EML5: variants seen among roughly 807,000 people sequenced by gnomAD.
The protein encoded by EML5 is echinoderm microtubule-associated protein-like 5.
EML5 carries 120 observed loss-of-function variants against 250.0 expected under a neutral mutation model. That is an observed-to-expected ratio of 0.48 (90% CI 0.41 to 0.56). The LOEUF (loss-of-function observed/expected upper bound fraction) is 0.56. Among genes scored for constraint, EML5 ranks in the 20% least tolerant of loss-of-function variants. The pLI is 0.00. For missense variants in EML5, 2,006 were observed against 2,437.6 expected (o/e 0.82, Z 3.73); for synonymous variants, 771 against 806.5 (o/e 0.96, Z 0.75).
chr14:88,737,344 G>A (rs955612700), intron 6 of EML5, among the ~76,000 whole-genome samples: 3 of 152,164 alleles, frequency 2.0e-5, no homozygotes, highest in South Asian at 2.1e-4. Flanking sequence ...TCAACCAGAC[G>A]CCAACGCCCA....
intron 14 of EML5, among the ~76,000 whole-genome samples, chr14:88,698,317 G>A (rs1023993842): frequency 7.2e-6 from 1 of 138,778 alleles, no homozygotes; most frequent in Admixed American, 7.7e-5. Flanking sequence ...CCCTGCTGAA[G>A]TGAAATGGCA....
chr14:88,697,644 C>G (rs2093109798), intron 14 of EML5, among the ~76,000 whole-genome samples: 1 of 152,136 alleles, frequency 6.6e-6, no homozygotes, highest in African/African-American at 2.4e-5. Flanking sequence ...TAACCATAAG[C>G]ATAAAGAGAT....
At position 88,688,445 on chromosome 14, in the gene EML5, G is replaced by A; in HGVS notation, c.2568C>T (p.Tyr856=). The A allele has an allele frequency of 6.2e-7, 1 of 1,613,904 alleles. No homozygotes were observed. Among genetic ancestry groups the A allele is most frequent in the Admixed American group, 1.7e-5 (1 of 60,014 alleles). ...TGTCATTTTTCCCCAGTGTGCCTAT[G>A]TAGCCTTTTCTTCCAATCAATCCTC... is the stretch of plus-strand genomic sequence containing the variant. ...AGGGLIGRKG[Y]IGTLGKNDTM... The change falls in exon 18 of 44, where the codon TAC becomes TAT. Residue 856 remains tyrosine, a synonymous_variant. Coordinates refer to ENST00000554922, the MANE Select transcript of EML5 (RefSeq NM_183387.3).
chr14:88,658,442 A>G (rs2091950757), intron 25 of EML5, 54 bp from the exon 26 acceptor site: 2 of 1,363,368 alleles, frequency 1.5e-6, no homozygotes. Context: ...TTATTTAAAT[A>G]TTTCCATTAT....
chr14:88,724,954 C>G (rs923714289), intron 8 of EML5, among the ~76,000 whole-genome samples: 1 of 152,152 alleles, frequency 6.6e-6, no homozygotes, highest in African/African-American at 2.4e-5. Flanking sequence ...GTTTCGTAGT[C>G]TTTCATCTCT....
At chr14:88,672,850 T>C (rs951858904) in intron 21 of EML5, among the ~76,000 whole-genome samples, 7 of 152,112 alleles carry the variant, frequency 4.6e-5, no homozygotes, top group African/African-American at 1.7e-4. Flanking sequence ...AGAAGTTGAA[T>C]CCCTGAATAG....
Position 88,719,041 on chromosome 14 carries a change from G to T in EML5, c.1188-3846C>A, listed in dbSNP as rs573469078. On this transcript the variant is annotated intron_variant, in intron 8 of 43. Coordinates refer to ENST00000554922, the MANE Select transcript of EML5 (RefSeq NM_183387.3). ...ATCCCTTTTAAAGTTGATAAAATGT[G>T]GTAGTAACACTGTCAGAGAGAGACA... Among the ~76,000 whole-genome samples the T allele has an allele frequency of 7.2e-5, 11 of 152,274 alleles. No individual in the cohort carries two copies. The South Asian group carries it at 2.3e-3, about 32-fold the overall frequency.
chr14:88,652,860 TA>T (rs2091694179), intron 27 of EML5, among the ~76,000 whole-genome samples: 2 of 152,318 alleles, frequency 1.3e-5, no homozygotes, highest in African/African-American at 4.8e-5. Context: ...GAGACTTTAT[TA>T]AAAAGTGATC....
At chr14:88,690,777 A>G (rs149692787) in intron 17 of EML5, among the ~76,000 whole-genome samples, 1 of 152,350 alleles carries the variant, frequency 6.6e-6, no homozygotes, top group East Asian at 1.9e-4. Flanking sequence ...GAGAAAGGGT[A>G]GAAGAGTTAG....
chr14:88,661,551 T>C (rs2092102011), intron 25 of EML5, 103 bp downstream of exon 25: 1 of 1,016,644 alleles, frequency 9.8e-7, no homozygotes, highest in African/African-American at 1.6e-5. Flanking sequence ...CAACATTACA[T>C]ATTACATATG....
chr14:88,613,743 T>TA lies in EML5; in HGVS notation c.*2074dup, dbSNP rs1341758925. The TA allele has an allele frequency of 1.3e-5, 2 of 152,212 alleles. No homozygotes were observed. The highest frequency in any genetic ancestry group is 3.9e-4 in the East Asian group (2 of 5,162). The allele number at this position is 152,212 out of a possible 1,614,324, so 9.4% of individuals were successfully genotyped here. ...TGTGCTTTGGCATGCATTTTATACATAAAATGAATGGAACAAAAGGTGCCA... is the reference window on the plus strand; with the variant it reads ...TGTGCTTTGGCATGCATTTTATACATAAAAATGAATGGAACAAAAGGTGCCA... On this transcript the variant is annotated 3_prime_UTR_variant, in exon 44 of 44. Coordinates refer to ENST00000554922, the MANE Select transcript of EML5 (RefSeq NM_183387.3).
chr14:88,715,189 CAT>C lies in EML5; in HGVS notation c.1192_1193del (p.Met398AspfsTer7). On this transcript the variant is annotated frameshift_variant, in exon 9 of 44. Transcript: ENST00000554922. LOFTEE classifies it high-confidence loss of function. ...GSFTVLRVRD[M>X]TEVVHIKDRK... is the part of the protein sequence containing the mutation. ...TATCTTTAATATGTACAACTTCCGT[CAT>C]ATCTCTGTTAAAAAGAAAAAAATGA... 1 of 1,586,544 alleles carries C rather than the reference CAT, an allele frequency of 6.3e-7. No individual in the cohort carries two copies. The highest frequency in any genetic ancestry group is 1.1e-5 in the South Asian group (1 of 87,538).
At chr14:88,634,681 TCTTC>T (rs1272974615) in intron 32 of EML5, among the ~76,000 whole-genome samples, 192 bp from the exon 33 acceptor site, 5 of 152,154 alleles carry the variant, frequency 3.3e-5, no homozygotes, top group African/African-American at 1.2e-4. Flanking sequence ...GATCTTTCAA[TCTTC>T]CTTTGGATAA....
intron 8 of EML5, among the ~76,000 whole-genome samples, chr14:88,724,403 T>C (rs369324194): frequency 6.7e-6 from 1 of 149,760 alleles, no homozygotes. Context: ...TTTTGTGAGT[T>C]AGAATTTTGT....
chr14:88,775,321 C>T (rs1222283333), intron 1 of EML5, among the ~76,000 whole-genome samples: 3 of 152,136 alleles, frequency 2.0e-5, no homozygotes, highest in South Asian at 2.1e-4. Flanking sequence ...TTTGGGTCCC[C>T]AATTCCAGAA....
intron 1 of EML5, among the ~76,000 whole-genome samples, chr14:88,777,093 T>C (rs1338430526): frequency 7.2e-5 from 11 of 151,962 alleles, no homozygotes; most frequent in African/African-American, 2.4e-4. Context: ...AAGAAGGATA[T>C]AGAACACCAA....
chr14:88,677,797 T>C (rs757633146), intron 21 of EML5, among the ~76,000 whole-genome samples: 3 of 152,042 alleles, frequency 2.0e-5, no homozygotes, highest in African/African-American at 7.2e-5. Flanking sequence ...CAAGAAACAA[T>C]AGATGGTGCT....
intron 20 of EML5, among the ~76,000 whole-genome samples, chr14:88,683,695 A>G (rs970466527): frequency 3.9e-5 from 6 of 152,188 alleles, no homozygotes; most frequent in Admixed American, 6.5e-5. Flanking sequence ...CTAATACACT[A>G]TATCAACAGA....
intron 35 of EML5, 137 bp downstream of exon 35, chr14:88,626,701 G>T: frequency 2.4e-6 from 2 of 843,514 alleles, no homozygotes; most frequent in South Asian, 1.9e-5. Context: ...TTTGAAAGAT[G>T]AAATATATGC....
Sources: gnomAD v4.1 joint callset for allele counts (sites outside exome capture counted in the v4.1 genomes callset) on GRCh38, gnomAD v4.1.1 for gene constraint, MANE v1.5 for transcripts, NCBI Gene and HGNC (gene_info 2026-07-23, HGNC 2026-07-21) for gene names.